The following FGF18 variants were observed in gnomAD, a reference collection of about 807,000 sequenced individuals.
The protein encoded by FGF18 is fibroblast growth factor 18.
A neutral mutation model predicts 23.0 loss-of-function variants in FGF18; 5 were observed. The ratio of observed to expected loss-of-function variants is 0.22; its 90% CI spans 0.11 to 0.46. The LOEUF (loss-of-function observed/expected upper bound fraction) is 0.46, where lower values mean the gene tolerates loss of function less well. Ranked by LOEUF, FGF18 falls within the 20% of genes least tolerant of loss-of-function variation. The pLI is 0.99. For missense variants in FGF18, 180 were observed against 291.6 expected, an observed-to-expected ratio of 0.62 and a Z score of 2.79; for synonymous variants, 117 against 118.9, an observed-to-expected ratio of 0.98 and a Z score of 0.10.
intron 3 of FGF18, among the ~76,000 whole-genome samples, chr5:171,439,470 A>G (rs1332827202): frequency 6.6e-6 from 1 of 152,150 alleles, no homozygotes; most frequent in African/African-American, 2.4e-5. Context: ...CACCTGGGAT[A>G]ATATCAGCCT....
intron 2 of FGF18, among the ~76,000 whole-genome samples, chr5:171,421,095 T>C (rs1771998536): frequency 6.6e-6 from 1 of 152,204 alleles, no homozygotes. Context: ...TCGCTCTCCG[T>C]GAATCAGAAG....
intron 3 of FGF18, among the ~76,000 whole-genome samples, chr5:171,445,994 GTCTC>G (rs1178503641): frequency 6.6e-6 from 1 of 151,744 alleles, no homozygotes; most frequent in East Asian, 1.9e-4. Flanking sequence ...TCCTTCTCCT[GTCTC>G]TCTCTCTCTG....
intron 3 of FGF18, among the ~76,000 whole-genome samples, chr5:171,438,847 G>A (rs1772292728): frequency 2.6e-5 from 4 of 152,050 alleles, no homozygotes; most frequent in Admixed American, 2.0e-4. Flanking sequence ...AGCCAGGGCA[G>A]GAGGATGGGC....
chr5:171,427,911 C>T (rs77390596), intron 2 of FGF18, among the ~76,000 whole-genome samples: 4 of 152,148 alleles, frequency 2.6e-5, no homozygotes, highest in African/African-American at 9.7e-5. Context: ...GGGCCCAGCA[C>T]GCTTCAGTTG....
intron 2 of FGF18, among the ~76,000 whole-genome samples, chr5:171,432,205 G>A (rs895331734): frequency 3.9e-5 from 6 of 152,080 alleles, no homozygotes; most frequent in Non-Finnish European, 7.4e-5. Context: ...GCAGGGCACC[G>A]AGCCAAGTGA....
At chr5:171,454,141 C>T (rs926162855) in intron 4 of FGF18, among the ~76,000 whole-genome samples, 1 of 152,004 alleles carries the variant, frequency 6.6e-6, no homozygotes, top group African/African-American at 2.4e-5. Flanking sequence ...TAAGGCTTGA[C>T]GCTTGAATGG....
At chr5:171,454,955 C>T (rs1407424156) in intron 4 of FGF18, among the ~76,000 whole-genome samples, 3 of 152,242 alleles carry the variant, frequency 2.0e-5, no homozygotes, top group African/African-American at 4.8e-5. Flanking sequence ...AAGGAAGGCA[C>T]GCCAGCCCTG....
Position 171,451,769 on chromosome 5 carries a change from C to G in FGF18, c.357+2516C>G, listed in dbSNP as rs1772513785. Among the ~76,000 whole-genome samples, 1 of 152,212 alleles carries G rather than the reference C, an allele frequency of 6.6e-6. No individual in the cohort carries two copies. The highest frequency in any genetic ancestry group is 2.1e-4 in the South Asian group (1 of 4,828). ...ATGCGTGGCACTGAGCACCGCTGTT[C>G]CATGGACGGGGCCTTCGGGCACTGT... On this transcript the variant is annotated intron_variant, in intron 4 of 4. Coordinates refer to ENST00000274625, the MANE Select transcript of FGF18 (RefSeq NM_003862.3). This position sits in a 1 kb window ranked among gnomAD's most constrained non-coding sequence, Gnocchi z 4.5.
intron 2 of FGF18, among the ~76,000 whole-genome samples, chr5:171,428,198 G>A (rs1010575241): frequency 6.6e-6 from 1 of 152,230 alleles, no homozygotes; most frequent in Non-Finnish European, 1.5e-5. Flanking sequence ...ATGGCACCTG[G>A]CACAGACCTG....
chr5:171,446,136 C>T (rs1772415769), intron 3 of FGF18, among the ~76,000 whole-genome samples: 1 of 152,268 alleles, frequency 6.6e-6, no homozygotes. Flanking sequence ...GTCTAGGTCA[C>T]TCCATCGCAT....
rs898397931 is a variant in FGF18 at position 171,456,037 on chromosome 5, G to A, written c.358-502G>A. On this transcript the variant is annotated intron_variant, in intron 4 of 4. Transcript: ENST00000274625. The surrounding 1 kb of genome is among the most constrained non-coding windows in gnomAD (Gnocchi z 6.1). ...CCACAGCCTCCTGCCCATGCCCCTTGTACCTGCTGTCTCCTCTCTCTCCTC... is the reference window on the plus strand; with the variant it reads ...CCACAGCCTCCTGCCCATGCCCCTTATACCTGCTGTCTCCTCTCTCTCCTC... Among the ~76,000 whole-genome samples, 1 of 152,184 alleles carries A rather than the reference G, an allele frequency of 6.6e-6. No homozygotes were observed. The highest frequency in any genetic ancestry group is 6.5e-5 in the Admixed American group (1 of 15,276).
intron 2 of FGF18, among the ~76,000 whole-genome samples, chr5:171,432,907 AG>A (rs1235888870): frequency 5.0e-4 from 76 of 152,336 alleles, no homozygotes; most frequent in African/African-American, 1.8e-3. Flanking sequence ...GGTGAGATTC[AG>A]GGATGAACCA....
Position 171,435,096 on chromosome 5 carries a change from G to A in FGF18, c.70-997G>A, listed in dbSNP as rs886121943. On this transcript the variant is annotated intron_variant, in intron 2 of 4. Transcript: ENST00000274625. ...CAGGAGTGTGTTTTGATTTTGGAAT[G>A]CCCAGAGCCATGCCAAGGTGGCCAG... Among the ~76,000 whole-genome samples, 8 of 152,314 alleles carry A rather than the reference G, an allele frequency of 5.3e-5. No individual in the cohort carries two copies. In the South Asian group the frequency reaches 1.7e-3, roughly 32 times the overall value.
At chr5:171,452,957 C>T (rs1042599513) in intron 4 of FGF18, among the ~76,000 whole-genome samples, 2 of 152,070 alleles carry the variant, frequency 1.3e-5, no homozygotes, top group Non-Finnish European at 2.9e-5. Flanking sequence ...ATCAGGATTC[C>T]GTCTTCAGAT....
At chr5:171,450,281 C>G (rs1242185759) in intron 4 of FGF18, among the ~76,000 whole-genome samples, 2 of 152,172 alleles carry the variant, frequency 1.3e-5, no homozygotes, top group Admixed American at 6.5e-5. Context: ...ATCCCTCTCC[C>G]TTTCCCCCAT....
chr5:171,425,850 T>C (rs996696037), intron 2 of FGF18, among the ~76,000 whole-genome samples: 2 of 152,184 alleles, frequency 1.3e-5, no homozygotes, highest in African/African-American at 4.8e-5. Flanking sequence ...TTTTGCACAT[T>C]ATCCAGGTCA....
chr5:171,431,454 A>G (rs1772180426), intron 2 of FGF18, among the ~76,000 whole-genome samples: 1 of 152,122 alleles, frequency 6.6e-6, no homozygotes, highest in African/African-American at 2.4e-5. Context: ...GATTGTCCCC[A>G]GGGCCGGGGG....
intron 4 of FGF18, among the ~76,000 whole-genome samples, chr5:171,455,089 G>A (rs1772563175): frequency 6.6e-6 from 1 of 152,234 alleles, no homozygotes; most frequent in African/African-American, 2.4e-5. Flanking sequence ...AGGTAGGTGA[G>A]GAATTTGAGG....
At chr5:171,423,504 C>T (rs1008909555) in intron 2 of FGF18, among the ~76,000 whole-genome samples, 2 of 152,118 alleles carry the variant, frequency 1.3e-5, no homozygotes, top group Non-Finnish European at 2.9e-5. Flanking sequence ...GGGCCAGGCT[C>T]GGCGGGGTGG....
Sources: allele counts gnomAD v4.1 joint callset (sites outside exome capture counted in the v4.1 genomes callset), GRCh38; gene constraint gnomAD v4.1.1; non-coding constraint Gnocchi (gnomAD v3.1); transcripts MANE v1.5; gene names NCBI Gene and HGNC (gene_info 2026-07-23, HGNC 2026-07-21).